MAD1L1: variants seen among roughly 807,000 people sequenced by gnomAD.
The protein encoded by MAD1L1 is mitotic spindle assembly checkpoint protein MAD1.
Under a neutral mutation model 96.9 loss-of-function variants are expected in MAD1L1, and 95 were observed. That is an observed-to-expected ratio of 0.98 (90% CI 0.83 to 1.16). The LOEUF (loss-of-function observed/expected upper bound fraction) is 1.16, where lower values mean the gene tolerates loss of function less well. MAD1L1 is among the 50% of genes most tolerant of loss of function. The pLI, the probability that MAD1L1 is intolerant of heterozygous loss-of-function variation, is 0.00. For missense variants in MAD1L1, 1,007 were observed against 954.4 expected (o/e 1.06, Z -0.73); for synonymous variants, 473 against 396.6 (o/e 1.19, Z -2.29).
intron 11 of MAD1L1, among the ~76,000 whole-genome samples, chr7:2,115,612 TCC>T (rs1228543864): frequency 6.6e-6 from 1 of 151,650 alleles, no homozygotes; most frequent in African/African-American, 2.4e-5. Context: ...CCCCGCGTGT[TCC>T]CCGGTCACAG....
At position 2,119,974 on chromosome 7, in the gene MAD1L1, T is replaced by A. The variant is rs1395660652; in HGVS notation, c.1073+29178A>T. Among the ~76,000 whole-genome samples the A allele has an allele frequency of 6.6e-6, 1 of 152,108 alleles. No individual in the cohort carries two copies. The highest frequency in any genetic ancestry group is 2.4e-5 in the African/African-American group (1 of 41,400). On this transcript the variant is annotated intron_variant, in intron 11 of 18. Coordinates refer to ENST00000265854, the MANE Select transcript of MAD1L1 (RefSeq NM_001013836.2). The surrounding 1 kb of genome is among the most constrained non-coding windows in gnomAD (Gnocchi z 4.6). ...CTCCTCCCAGCATGCGCCCAAGGCA[T>A]CCCTAGCAATGCCCCAGGTGGAGGA...
At chr7:1,862,805 T>C (rs768820938) in intron 18 of MAD1L1, among the ~76,000 whole-genome samples, 26 of 152,166 alleles carry the variant, frequency 1.7e-4, no homozygotes, top group African/African-American at 5.3e-4. Context: ...AGAGTGACGA[T>C]GAAAACAAAC....
At chr7:2,073,842 C>A (rs537704630) in intron 11 of MAD1L1, among the ~76,000 whole-genome samples, 1 of 152,308 alleles carries the variant, frequency 6.6e-6, no homozygotes, top group East Asian at 1.9e-4. Context: ...ACCAGAGCAA[C>A]ACACATTCCC....
intron 17 of MAD1L1, among the ~76,000 whole-genome samples, chr7:1,901,448 A>G (rs796292159): frequency 3.9e-4 from 60 of 152,320 alleles, no homozygotes; most frequent in African/African-American, 1.4e-3. Flanking sequence ...CCCCAGGGTG[A>G]GAGGCGACAG....
intron 18 of MAD1L1, among the ~76,000 whole-genome samples, chr7:1,820,583 AC>A (rs1045035769): frequency 6.6e-6 from 1 of 152,044 alleles, no homozygotes; most frequent in African/African-American, 2.4e-5. Context: ...CCTGGACAAC[AC>A]AGTGAGACCC....
At chr7:2,055,845 G>A (rs903993493) in intron 12 of MAD1L1, among the ~76,000 whole-genome samples, 4 of 150,292 alleles carry the variant, frequency 2.7e-5, no homozygotes, top group African/African-American at 9.8e-5. Context: ...TGGACATGGT[G>A]GCAGGCGCCT....
rs567310652 is a variant in MAD1L1 at position 2,084,370 on chromosome 7, C to G, written c.1074-15032G>C. Among the ~76,000 whole-genome samples the G allele has an allele frequency of 8.5e-5, 13 of 152,346 alleles. No individual in the cohort carries two copies. The East Asian group carries it at 2.5e-3, about 29-fold the overall frequency. On this transcript the variant is annotated intron_variant, in intron 11 of 18. Coordinates refer to ENST00000265854, the MANE Select transcript of MAD1L1 (RefSeq NM_001013836.2). ...GGAATGCCAAGGGCCATGACCTTCA[C>G]TTGCTGGGAGCAGAGCACTGCAAGG...
At chr7:2,096,326 G>T (rs1357302647) in intron 11 of MAD1L1, among the ~76,000 whole-genome samples, 1 of 152,194 alleles carries the variant, frequency 6.6e-6, no homozygotes, top group Non-Finnish European at 1.5e-5. Context: ...AAAGAGCTGT[G>T]GTGCTGACCC....
intron 15 of MAD1L1, among the ~76,000 whole-genome samples, chr7:1,973,113 G>T (rs753100162): frequency 6.6e-6 from 1 of 152,224 alleles, no homozygotes; most frequent in East Asian, 1.9e-4. Context: ...AGAGGCAAGA[G>T]TCCTCTGCTC....
chr7:1,841,070 G>A (rs561708827), intron 18 of MAD1L1, among the ~76,000 whole-genome samples: 15 of 152,298 alleles, frequency 9.8e-5, no homozygotes, highest in African/African-American at 3.1e-4. Context: ...GGCCGCTCCC[G>A]GGCCGGCTCT....
At chr7:1,918,051 C>T (rs1788525410) in intron 17 of MAD1L1, among the ~76,000 whole-genome samples, 1 of 152,170 alleles carries the variant, frequency 6.6e-6, no homozygotes, top group Admixed American at 6.5e-5. Flanking sequence ...CCACATATCA[C>T]ACCCCACCTC....
intron 12 of MAD1L1, among the ~76,000 whole-genome samples, chr7:2,037,401 T>C (rs938471632): frequency 4.6e-5 from 7 of 152,220 alleles, no homozygotes; most frequent in African/African-American, 1.7e-4. Flanking sequence ...CTGTGCTTCT[T>C]ACAAATGGAA....
In MAD1L1 at chr7:2,069,318, G is replaced by A; in HGVS notation, c.1094C>T (p.Ala365Val). ...GAGCTCCTCCTGCAGCTGCTGCCTG[G>A]CCTTCTCCAGCCCCCGGGCGCTGCA... ...VTSSARGLEK[A>V]RQQLQEELRQ... Residue 365 changes from alanine (A) to valine (V), a missense_variant, in exon 12 of 19, where the codon GCC becomes GTC. Ala to Val is a moderately conservative substitution (Grantham distance 64, BLOSUM62 0). Coordinates refer to ENST00000265854, the MANE Select transcript of MAD1L1 (RefSeq NM_001013836.2). 6.2e-7 allele frequency: 1 copy of A among 1,603,428 alleles called. No homozygotes were observed. The highest frequency in any genetic ancestry group is 8.5e-7 in the Non-Finnish European group (1 of 1,177,366).
chr7:2,198,777 G>A (rs1249208383), intron 10 of MAD1L1, among the ~76,000 whole-genome samples: 2 of 152,200 alleles, frequency 1.3e-5, no homozygotes, highest in Admixed American at 1.3e-4. Context: ...AGGTGTTAAA[G>A]CAGGTGCCCA....
At position 2,014,534 on chromosome 7, in the gene MAD1L1, G is replaced by A. The variant is rs771993921; in HGVS notation, c.1327C>T (p.Gln443Ter). 1.9e-6 allele frequency: 3 copies of A among 1,608,472 alleles called. No homozygotes were observed. The highest frequency in any genetic ancestry group is 1.7e-6 in the Non-Finnish European group (2 of 1,179,514). Reference protein sequence around the residue: ...RRMREAEDMVQKVHSHSAEME... With the variant: ...RRMREAEDMV The stretch of plus-strand genomic sequence containing the variant: ...TCGGCGCTGTGGCTGTGCACCTTCT[G>A]CACCATATCCTCAGCCTCCCGCATG... The change falls in exon 13 of 19, where the codon CAG (glutamine) becomes TAG (stop). Residue 443 changes from glutamine to a stop codon, truncating the protein, a stop_gained. Coordinates refer to ENST00000265854, the MANE Select transcript of MAD1L1 (RefSeq NM_001013836.2). LOFTEE classifies it high-confidence loss of function.
chr7:2,167,903 A>G (rs1790516471), intron 10 of MAD1L1, among the ~76,000 whole-genome samples: 2 of 152,100 alleles, frequency 1.3e-5, no homozygotes, highest in African/African-American at 2.4e-5. Flanking sequence ...CAAAATAACC[A>G]TTCTGTAATA....
At chr7:1,979,725 G>C (rs868790044) in intron 15 of MAD1L1, among the ~76,000 whole-genome samples, 1 of 152,208 alleles carries the variant, frequency 6.6e-6, no homozygotes, top group African/African-American at 2.4e-5. Flanking sequence ...CAGCATGTCT[G>C]AAGCGGAGCC....
chr7:2,217,261 G>C (rs779006576), intron 7 of MAD1L1, among the ~76,000 whole-genome samples: 1 of 152,222 alleles, frequency 6.6e-6, no homozygotes, highest in African/African-American at 2.4e-5. Flanking sequence ...GGCAGAGTAT[G>C]AAACCACGAC....
At chr7:2,225,259 G>A (rs1338718322) in intron 4 of MAD1L1, 151 bp downstream of exon 4, 1 of 423,432 alleles carries the variant, frequency 2.4e-6, no homozygotes, top group African/African-American at 3.2e-5. Flanking sequence ...CAGGGACTGG[G>A]ATCTGATTTC....
Sources: allele counts gnomAD v4.1 joint callset (sites outside exome capture counted in the v4.1 genomes callset), GRCh38; gene constraint gnomAD v4.1.1; non-coding constraint Gnocchi (gnomAD v3.1); transcripts MANE v1.5; gene names NCBI Gene and HGNC (gene_info 2026-07-23, HGNC 2026-07-21).